Variants in CDC42BPA observed in about 807,000 individuals in gnomAD.
CDC42BPA encodes the protein CDC42 binding protein kinase alpha, also known as serine/threonine-protein kinase MRCK alpha.
A neutral mutation model predicts 223.5 loss-of-function variants in CDC42BPA; 80 were observed. The ratio of observed to expected loss-of-function variants is 0.36; its 90% confidence interval spans 0.30 to 0.43. The LOEUF (loss-of-function observed/expected upper bound fraction) is 0.43. CDC42BPA is among the 20% of genes least tolerant of loss of function. The pLI is 1.00. For missense variants in CDC42BPA, 1,743 were observed against 2,099.9 expected (o/e 0.83, Z 3.32); for synonymous variants, 694 against 718.6 (o/e 0.97, Z 0.55).
chr1:227,133,609 T>C (rs1657827618), intron 10 of CDC42BPA, among the ~76,000 whole-genome samples: 1 of 152,238 alleles, frequency 6.6e-6, no homozygotes, highest in Non-Finnish European at 1.5e-5. Flanking sequence ...TTTCATTTTG[T>C]TCTGTACTAA....
intron 3 of CDC42BPA, among the ~76,000 whole-genome samples, chr1:227,210,475 G>A (rs535607625): frequency 6.6e-6 from 1 of 152,008 alleles, no homozygotes; most frequent in Non-Finnish European, 1.5e-5. Context: ...AGGAGAACAG[G>A]GAGAAGTGAG....
At chr1:227,154,511 A>G (rs912241060) in intron 6 of CDC42BPA, among the ~76,000 whole-genome samples, 2 of 152,044 alleles carry the variant, frequency 1.3e-5, no homozygotes, top group Non-Finnish European at 2.9e-5. Flanking sequence ...CCGATAAAAA[A>G]TTAGCAAGAT....
chr1:227,317,398 G>A lies in CDC42BPA; in HGVS notation c.-216C>T, dbSNP rs943068501. The A allele has an allele frequency of 1.6e-5, 7 of 442,566 alleles. No homozygotes were observed. Among genetic ancestry groups the A allele is most frequent in the East Asian group, 3.4e-5 (1 of 29,710 alleles). 27.4% of individuals were successfully genotyped at this position (442,566 alleles called of 1,614,324 possible). On this transcript the variant is annotated 5_prime_UTR_variant, in exon 1 of 37. Coordinates refer to ENST00000366766, the MANE Select transcript of CDC42BPA (RefSeq NM_001394014.1). ...TCACCCATATACATATATTTTGAGG[G>A]TAAATTACCATAAAATATATACTTA... is the stretch of plus-strand genomic sequence containing the variant.
At position 226,994,903 on chromosome 1, in the gene CDC42BPA, G is replaced by A. The variant is rs1310336496; in HGVS notation, c.5053C>T (p.Pro1685Ser). 6.2e-7 allele frequency: 1 copy of A among 1,614,028 alleles called. No homozygotes were observed. The highest frequency in any genetic ancestry group is 1.7e-5 in the Admixed American group (1 of 60,018). ...GSYSAKRQPM[P>S]SPSEGSLSSG... is the part of the protein sequence containing the mutation. ...GACAAAGAGCCCTCTGACGGGGAGG[G>A]CATGGGCTGCCGCTTGGCACTGTAG... The change falls in exon 36 of 37, where the codon CCC becomes TCC. Residue 1685 changes from proline (P) to serine (S), a missense_variant. This residue lies in a region of CDC42BPA where 200 missense variants were observed against 192.8 expected (regional missense o/e 1.04). Transcript: ENST00000366766. The surrounding 1 kb of genome is among the most constrained non-coding windows in gnomAD (Gnocchi z 4.0).
intron 11 of CDC42BPA, 118 bp downstream of exon 11, chr1:227,128,991 C>T: frequency 2.8e-6 from 2 of 711,422 alleles, no homozygotes; most frequent in South Asian, 3.9e-5. Flanking sequence ...CCTTCCCTGA[C>T]TAGCATGCAA....
At chr1:227,055,842 CA>C (rs1470329760) in intron 21 of CDC42BPA, among the ~76,000 whole-genome samples, 2 of 151,010 alleles carry the variant, frequency 1.3e-5, no homozygotes, top group African/African-American at 4.9e-5. Context: ...CTCTGACGAA[CA>C]GTCATTAGAA....
Position 227,063,307 on chromosome 1 carries a change from A to C in CDC42BPA, c.2904+6470T>G, listed in dbSNP as rs563281312. On this transcript the variant is annotated intron_variant, in intron 21 of 36. Transcript: ENST00000366766. ...CCACTTTAAAACATGTATTTCATATATAGGTCCATGACATGCCAACAAAAC... is the reference window on the plus strand; with the variant it reads ...CCACTTTAAAACATGTATTTCATATCTAGGTCCATGACATGCCAACAAAAC... Among the ~76,000 whole-genome samples the C allele has an allele frequency of 2.0e-4, 31 of 152,252 alleles. No homozygotes were observed. The Middle Eastern group carries it at 0.014, about 67-fold the overall frequency.
Position 227,005,226 on chromosome 1 carries a change from C to G in CDC42BPA, c.4858-115G>C, listed in dbSNP as rs569652146. On this transcript the variant is annotated intron_variant, in intron 34 of 36. Transcript: ENST00000366766. ...AATAAAATCATCTTGACCAGAATGA[C>G]ACAGAGTAAGGAATGGCAGATTATA... is the stretch of plus-strand genomic sequence containing the variant. The G allele has an allele frequency of 4.0e-6, 3 of 744,498 alleles. No individual in the cohort carries two copies. In the East Asian group the frequency reaches 7.7e-5, roughly 19 times the overall value. 46.1% of individuals were successfully genotyped at this position (744,498 alleles called of 1,614,324 possible).
intron 20 of CDC42BPA, among the ~76,000 whole-genome samples, chr1:227,070,482 A>T (rs1478768966): frequency 1.3e-5 from 2 of 151,894 alleles, no homozygotes; most frequent in African/African-American, 4.8e-5. Context: ...ACAAATAAAA[A>T]TACTAGGTAG....
At chr1:227,009,672 T>G (rs1664790475) in intron 34 of CDC42BPA, among the ~76,000 whole-genome samples, 1 of 152,084 alleles carries the variant, frequency 6.6e-6, no homozygotes, top group African/African-American at 2.4e-5. Context: ...TGCCTCAGCC[T>G]CCCAAAGTGC....
intron 2 of CDC42BPA, among the ~76,000 whole-genome samples, chr1:227,236,538 A>G (rs561479950): frequency 1.3e-3 from 71 of 55,930 alleles, no homozygotes; most frequent in African/African-American, 5.7e-3. Flanking sequence ...TATGTTCCAT[A>G]ATTATTAAAC....
At chr1:227,180,747 A>G (rs1188022759) in intron 5 of CDC42BPA, among the ~76,000 whole-genome samples, 1 of 152,246 alleles carries the variant, frequency 6.6e-6, no homozygotes, top group Non-Finnish European at 1.5e-5. Flanking sequence ...ACTGAAGCGC[A>G]TGATAATCGA....
At chr1:227,004,917 T>C in intron 35 of CDC42BPA, 77 bp downstream of exon 35, 1 of 956,444 alleles carries the variant, frequency 1.0e-6, no homozygotes, top group Non-Finnish European at 1.7e-6. Context: ...GAAGGACATG[T>C]CACCCACGGG....
At chr1:227,283,775 TTAATGCTTTA>T (rs1315204042) in intron 1 of CDC42BPA, among the ~76,000 whole-genome samples, 2 of 152,220 alleles carry the variant, frequency 1.3e-5, no homozygotes, top group African/African-American at 4.8e-5. Flanking sequence ...AAATTTTTTG[TTAATGCTTTA>T]TTAGGCCAGG....
intron 5 of CDC42BPA, 133 bp downstream of exon 5, chr1:227,193,653 T>C: frequency 1.4e-6 from 1 of 710,620 alleles, no homozygotes; most frequent in Non-Finnish European, 2.2e-6. Context: ...ACCAAAATCA[T>C]CTCAAAATAA....
At chr1:227,101,793 G>T (rs1320646471) in intron 14 of CDC42BPA, among the ~76,000 whole-genome samples, 1 of 152,088 alleles carries the variant, frequency 6.6e-6, no homozygotes, top group Non-Finnish European at 1.5e-5. Context: ...AAAACGGTAG[G>T]TCTCTTCACT....
At chr1:227,181,533 T>A (rs950955654) in intron 5 of CDC42BPA, among the ~76,000 whole-genome samples, 2 of 152,230 alleles carry the variant, frequency 1.3e-5, no homozygotes, top group Non-Finnish European at 2.9e-5. Flanking sequence ...CACTTGTTCA[T>A]CTACTATTTT....
At chr1:227,285,195 G>A (rs1480826461) in intron 1 of CDC42BPA, among the ~76,000 whole-genome samples, 3 of 152,124 alleles carry the variant, frequency 2.0e-5, no homozygotes, top group Non-Finnish European at 2.9e-5. Flanking sequence ...TAAATGGTCT[G>A]GAACTATGAT....
chr1:227,289,605 A>G (rs60115015), intron 1 of CDC42BPA, among the ~76,000 whole-genome samples: 46,751 of 152,018 alleles, frequency 0.31, 7,369 homozygotes, highest in East Asian at 0.37. Flanking sequence ...TGAGAGCAGA[A>G]ACCCTGCCTG....
Sources: allele counts gnomAD v4.1 joint callset (sites outside exome capture counted in the v4.1 genomes callset), GRCh38; gene constraint gnomAD v4.1.1; regional missense constraint gnomAD v4.1.1; non-coding constraint Gnocchi (gnomAD v3.1); transcripts MANE v1.5; gene names NCBI Gene and HGNC (gene_info 2026-07-23, HGNC 2026-07-21).